Variants in SVEP1 observed in about 807,000 individuals in gnomAD.
The protein encoded by SVEP1 is sushi, von Willebrand factor type A, EGF and pentraxin domain containing 1.
In SVEP1, 164 loss-of-function variants were observed where a neutral mutation model predicts 367.3. The observed-to-expected ratio is 0.45, with a 90% CI of 0.39 to 0.51. The LOEUF (loss-of-function observed/expected upper bound fraction) is 0.51, where lower values mean the gene tolerates loss of function less well. Ranked by LOEUF, SVEP1 falls within the 20% of genes least tolerant of loss-of-function variation. The pLI is 0.00. For synonymous variants in SVEP1, 1,666 were observed against 1,611.6 expected, an observed-to-expected ratio of 1.03 and a Z score of -0.81; for missense variants, 4,117 against 4,425.3, an observed-to-expected ratio of 0.93 and a Z score of 1.98.
At chr9:110,391,859 G>A (rs770746051) in intron 40 of SVEP1, among the ~76,000 whole-genome samples, 4 of 151,930 alleles carry the variant, frequency 2.6e-5, no homozygotes, top group South Asian at 2.1e-4. Context: ...GATTGCCCTC[G>A]CCAATGTGGA....
At chr9:110,570,425 A>T (rs1043104019) in intron 1 of SVEP1, among the ~76,000 whole-genome samples, 7 of 151,534 alleles carry the variant, frequency 4.6e-5, no homozygotes, top group Admixed American at 1.3e-4. Context: ...ATTATTTAGA[A>T]GCTTCTGACT....
At position 110,550,025 on chromosome 9, in the gene SVEP1, G is replaced by A. The variant is rs1406492666; in HGVS notation, c.611C>T (p.Pro204Leu). Residue 204 changes from proline to leucine, a missense_variant, in exon 2 of 48, where the codon CCT becomes CTT. Physicochemically the swap from Pro to Leu is moderately conservative, Grantham distance 98 (BLOSUM62 -3). Transcript: ENST00000374469. ...TCGCAGTGACGCTGCAATTGGTCTAGGGTCTCCCCCATTGGAATATCCATC... is the reference window on the plus strand; with the variant it reads ...TCGCAGTGACGCTGCAATTGGTCTAAGGTCTCCCCCATTGGAATATCCATC... ...ITDGYSNGGD[P>L]RPIAASLRDS... 6.2e-7 allele frequency: 1 copy of A among 1,613,990 alleles called. No homozygotes were observed. The highest frequency in any genetic ancestry group is 1.7e-5 in the Admixed American group (1 of 60,018).
chr9:110,426,458 G>A (rs1420496587), intron 36 of SVEP1, among the ~76,000 whole-genome samples: 1 of 152,022 alleles, frequency 6.6e-6, no homozygotes, highest in African/African-American at 2.4e-5. Flanking sequence ...TTTTATGCAG[G>A]AGGACCATCA....
At chr9:110,527,534 C>T (rs1469282870) in intron 3 of SVEP1, among the ~76,000 whole-genome samples, 1 of 151,978 alleles carries the variant, frequency 6.6e-6, no homozygotes, top group Non-Finnish European at 1.5e-5. Context: ...TTCCTATTTA[C>T]CTACATCCTT....
At chr9:110,423,908 T>C (rs1009196933) in intron 36 of SVEP1, among the ~76,000 whole-genome samples, 1 of 152,144 alleles carries the variant, frequency 6.6e-6, no homozygotes, top group Non-Finnish European at 1.5e-5. Flanking sequence ...GAGAAGTGTT[T>C]ATAGTCTTAA....
chr9:110,388,176 A>G (rs1200411416), intron 41 of SVEP1, among the ~76,000 whole-genome samples: 1 of 152,180 alleles, frequency 6.6e-6, no homozygotes, highest in Non-Finnish European at 1.5e-5. Context: ...CAGGGACCCA[A>G]GAGCTTGTGG....
chr9:110,520,224 T>C (rs928137016), intron 3 of SVEP1, among the ~76,000 whole-genome samples: 2 of 152,148 alleles, frequency 1.3e-5, no homozygotes, highest in African/African-American at 2.4e-5. Context: ...TTTAAAGGCA[T>C]TGCACAATTC....
chr9:110,401,806 G>A (rs1827866423), intron 39 of SVEP1, among the ~76,000 whole-genome samples: 1 of 151,762 alleles, frequency 6.6e-6, no homozygotes, highest in South Asian at 2.1e-4. Context: ...TGTTGGGTAA[G>A]GTGAGGCACA....
At position 110,579,017 on chromosome 9, in the gene SVEP1, G is replaced by T; in HGVS notation, c.527C>A (p.Ala176Asp). 6.5e-7 allele frequency: 1 copy of T among 1,546,494 alleles called. No individual in the cohort carries two copies. Reference protein sequence around the residue: ...GTYTKGAFQQAAQILLHAREN... With the variant: ...GTYTKGAFQQDAQILLHAREN... ...CGGGAGGGGCGGGCGCCTTACCGCG[G>T]CTTGCTGGAAGGCGCCCTTGGTGTA... Residue 176 changes from alanine (A) to aspartate (D), a missense_variant, in exon 1 of 48, where the codon GCC (alanine) becomes GAC (aspartate). Coordinates refer to ENST00000374469, the MANE Select transcript of SVEP1 (RefSeq NM_153366.4). The surrounding 1 kb of genome is among the most constrained non-coding windows in gnomAD (Gnocchi z 5.3).
rs1488274665 is a variant in SVEP1 at position 110,406,336 on chromosome 9, G to C, written c.9264C>G (p.Tyr3088Ter). Residue 3088 changes from tyrosine to a stop codon, truncating the protein, a stop_gained, in exon 38 of 48, where the codon TAC (tyrosine) becomes TAG (stop). Coordinates refer to ENST00000374469, the MANE Select transcript of SVEP1 (RefSeq NM_153366.4). LOFTEE classifies it high-confidence loss of function. The stretch of plus-strand genomic sequence containing the variant: ...GTATGACATATCCAGACCTGCAGCT[G>C]TAAGTTATCACATTTTCCTTCCAAG... ...TSSWKENVIT[Y>*]SCRSGYVIQG... 2 of 1,613,956 alleles carry C rather than the reference G, an allele frequency of 1.2e-6. No individual in the cohort carries two copies. The highest frequency in any genetic ancestry group is 1.1e-5 in the South Asian group (1 of 91,090).
Position 110,404,654 on chromosome 9 carries a change from T to C in SVEP1, c.9441-102A>G, listed in dbSNP as rs1827926870. ...CTGTTACAAGGCTCAGTAGATATTT[T>C]GTGCAACATATTGATTGTTGCACAA... On this transcript the variant is annotated intron_variant, in intron 38 of 47. Transcript: ENST00000374469. 6.6e-6 allele frequency: 7 copies of C among 1,061,376 alleles called. No homozygotes were observed. The East Asian group carries it at 1.7e-4, about 25-fold the overall frequency. The allele number at this position is 1,061,376 out of a possible 1,614,324, so 65.7% of individuals were successfully genotyped here.
chr9:110,478,396 T>C (rs1829131880), intron 13 of SVEP1, among the ~76,000 whole-genome samples: 1 of 152,250 alleles, frequency 6.6e-6, no homozygotes, highest in African/African-American at 2.4e-5. Context: ...GAATAGGACA[T>C]ACTTACTAAA....
At chr9:110,449,700 A>T (rs1828662982) in intron 24 of SVEP1, among the ~76,000 whole-genome samples, 1 of 152,194 alleles carries the variant, frequency 6.6e-6, no homozygotes, top group South Asian at 2.1e-4. Context: ...TAAAAAAATA[A>T]AAATAAATAA....
intron 24 of SVEP1, among the ~76,000 whole-genome samples, chr9:110,448,986 A>T (rs1441278166): frequency 6.6e-6 from 1 of 152,184 alleles, no homozygotes; most frequent in Non-Finnish European, 1.5e-5. Flanking sequence ...ATTGGGCTAG[A>T]TCTTTTTTTT....
chr9:110,433,056 GTC>G (rs1014305860), intron 30 of SVEP1, among the ~76,000 whole-genome samples: 13 of 152,172 alleles, frequency 8.5e-5, no homozygotes, highest in Middle Eastern at 3.4e-3. Flanking sequence ...TCCCTCCACT[GTC>G]TCTCTTGCTC....
Position 110,550,017 on chromosome 9 carries a change from T to C in SVEP1, c.619A>G (p.Ile207Val), listed in dbSNP as rs201741721. 4 of 1,614,018 alleles carry C rather than the reference T, an allele frequency of 2.5e-6. No homozygotes were observed. The highest frequency in any genetic ancestry group is 2.2e-5 in the East Asian group (1 of 44,878). Residue 207 changes from isoleucine to valine, a missense_variant, in exon 2 of 48, where the codon ATT becomes GTT. Coordinates refer to ENST00000374469, the MANE Select transcript of SVEP1 (RefSeq NM_153366.4). ...GYSNGGDPRP[I>V]AASLRDSGVE... The stretch of plus-strand genomic sequence containing the variant: ...CCTGAATCTCGCAGTGACGCTGCAA[T>C]TGGTCTAGGGTCTCCCCCATTGGAA...
At chr9:110,491,561 T>C (rs1829366080) in intron 8 of SVEP1, among the ~76,000 whole-genome samples, 1 of 150,860 alleles carries the variant, frequency 6.6e-6, no homozygotes, top group Non-Finnish European at 1.5e-5. Flanking sequence ...CCTATTACTA[T>C]ATATAGCATT....
chr9:110,401,935 T>C (rs747641500), intron 39 of SVEP1, among the ~76,000 whole-genome samples: 14 of 152,130 alleles, frequency 9.2e-5, no homozygotes, highest in Admixed American at 3.3e-4. Flanking sequence ...ACCCTCATTC[T>C]ACATATGAAC....
At position 110,446,914 on chromosome 9, in the gene SVEP1, T is replaced by A; in HGVS notation, c.4247A>T (p.Lys1416Ile). ...TTGATACATACCTGTTTCACACCTT[T>A]TGCCTGAAAATCCTGGCTGACATTT... is the stretch of plus-strand genomic sequence containing the variant. Reference protein sequence around the residue: ...SCKCQPGFSGKRCETEQSTGF... With the variant: ...SCKCQPGFSGIRCETEQSTGF... The change falls in exon 25 of 48, where the codon AAA becomes ATA. Residue 1416 changes from lysine to isoleucine, a missense_variant. Around this residue, in one of 4 missense-constraint regions of SVEP1, gnomAD observed 2,174 missense variants for 2,494.3 expected, o/e 0.87. Coordinates refer to ENST00000374469, the MANE Select transcript of SVEP1 (RefSeq NM_153366.4). 6.5e-7 allele frequency: 1 copy of A among 1,538,180 alleles called. No homozygotes were observed. The highest frequency in any genetic ancestry group is 8.8e-7 in the Non-Finnish European group (1 of 1,141,892).
Sources: gnomAD v4.1 joint callset for allele counts (sites outside exome capture counted in the v4.1 genomes callset) on GRCh38, gnomAD v4.1.1 for gene constraint, gnomAD v4.1.1 regional missense constraint, Gnocchi (gnomAD v3.1) non-coding constraint, MANE v1.5 for transcripts, NCBI Gene and HGNC (gene_info 2026-07-23, HGNC 2026-07-21) for gene names.